IPO7: variants seen among roughly 807,000 people sequenced by gnomAD.
IPO7 encodes importin-7.
Under a neutral mutation model 136.4 loss-of-function variants are expected in IPO7, and 13 were observed. That is an observed-to-expected ratio of 0.10 (90% CI 0.06 to 0.15). IPO7 has a LOEUF of 0.15. IPO7 is among the 10% of genes least tolerant of loss of function. The pLI, the probability that IPO7 is intolerant of heterozygous loss-of-function variation, is 1.00. For missense variants in IPO7, 857 were observed against 1,240.6 expected, an observed-to-expected ratio of 0.69 and a Z score of 4.65; for synonymous variants, 403 against 404.4, an observed-to-expected ratio of 1.00 and a Z score of 0.04.
rs1035003048 is a variant in IPO7 at position 9,425,057 on chromosome 11, T to G, written c.1218+67T>G. The G allele has an allele frequency of 4.6e-6, 6 of 1,316,218 alleles. No individual in the cohort carries two copies. The African/African-American group carries it at 7.4e-5, about 16-fold the overall frequency. The allele number at this position is 1,316,218 out of a possible 1,614,324, so 81.5% of individuals were successfully genotyped here. On this transcript the variant is annotated intron_variant, in intron 11 of 24. Transcript: ENST00000379719. ...AAAATTTATTCAACTATACACTTTT[T>G]AAATGTTAGTCATGTGAGTCATTTT...
rs1267273953 is a variant in IPO7, at chr11:9,402,175, G to A, written c.85-1115G>A. Among the ~76,000 whole-genome samples the A allele has an allele frequency of 3.9e-5, 6 of 152,172 alleles. No individual in the cohort carries two copies. In the South Asian group the frequency reaches 1.2e-3, roughly 32 times the overall value. On this transcript the variant is annotated intron_variant, in intron 1 of 24. Transcript: ENST00000379719. ...CCAACACTTTGGGAGGCCAAGGCGG[G>A]CAGATCACAAGGTCAGGAGTTCGAG...
At chr11:9,396,100 A>G (rs1345351624) in intron 1 of IPO7, among the ~76,000 whole-genome samples, 2 of 151,708 alleles carry the variant, frequency 1.3e-5, no homozygotes, top group Admixed American at 1.3e-4. Context: ...AGGTTAATAA[A>G]GTGTTGAGTG....
intron 15 of IPO7, 142 bp from the exon 16 acceptor site, chr11:9,430,733 C>A: frequency 1.5e-6 from 1 of 675,004 alleles, no homozygotes. Context: ...AGAGCTTAAG[C>A]TCTTTATTAT....
intron 24 of IPO7, among the ~76,000 whole-genome samples, chr11:9,444,509 C>T (rs568761445): frequency 5.9e-5 from 9 of 151,718 alleles, no homozygotes; most frequent in Non-Finnish European, 7.4e-5. Context: ...ATTGCAGGCA[C>T]GCACCACCAC....
At chr11:9,396,106 G>T (rs545526004) in intron 1 of IPO7, among the ~76,000 whole-genome samples, 2 of 151,860 alleles carry the variant, frequency 1.3e-5, no homozygotes, top group Non-Finnish European at 2.9e-5. Context: ...ATAAAGTGTT[G>T]AGTGTTGGGC....
intron 1 of IPO7, among the ~76,000 whole-genome samples, chr11:9,397,341 AAT>A (rs1398990687): frequency 0.077 from 825 of 10,778 alleles, 130 homozygotes; most frequent in African/African-American, 0.2. Context: ...TTTAAAAAAA[AAT>A]ATATATATAT....
At chr11:9,425,300 A>C in intron 12 of IPO7, 38 bp downstream of exon 12, 2 of 1,194,918 alleles carry the variant, frequency 1.7e-6, no homozygotes, top group Non-Finnish European at 2.5e-6. Flanking sequence ...TGACTATGCA[A>C]GTAGTTTTAA....
chr11:9,427,011 G>A (rs935614623), intron 12 of IPO7, among the ~76,000 whole-genome samples: 3 of 151,836 alleles, frequency 2.0e-5, no homozygotes, highest in Admixed American at 1.3e-4. Flanking sequence ...CCTGCCCCCA[G>A]CCTAATTTTT....
At chr11:9,424,711 C>T (rs1327863306) in intron 10 of IPO7, among the ~76,000 whole-genome samples, 6 of 152,202 alleles carry the variant, frequency 3.9e-5, no homozygotes, top group Non-Finnish European at 7.3e-5. Flanking sequence ...CACTGCACTC[C>T]AGCCTGAGTG....
chr11:9,421,404 C>G (rs1264674877), intron 8 of IPO7, among the ~76,000 whole-genome samples: 1 of 151,184 alleles, frequency 6.6e-6, no homozygotes, highest in Non-Finnish European at 1.5e-5. Flanking sequence ...CCAGGGCGGG[C>G]AGATCACGAG....
chr11:9,441,998 T>C, intron 23 of IPO7, 83 bp from the exon 24 acceptor site: 1 of 606,142 alleles, frequency 1.6e-6, no homozygotes, highest in Non-Finnish European at 3.0e-6. Flanking sequence ...TGCCTCGGGA[T>C]GGAGTAGGAG....
At chr11:9,395,317 C>T (rs1334725763) in intron 1 of IPO7, among the ~76,000 whole-genome samples, 2 of 152,084 alleles carry the variant, frequency 1.3e-5, no homozygotes, top group African/African-American at 2.4e-5. Context: ...GATCTCGGCT[C>T]ACTGCAGCCT....
intron 15 of IPO7, chr11:9,430,419 T>C (rs546544745): frequency 1.2e-4 from 18 of 155,974 alleles, no homozygotes; most frequent in African/African-American, 4.3e-4. Flanking sequence ...TGTTCTTAAC[T>C]ACTACCTCGG....
At chr11:9,421,751 T>C (rs1297006737) in intron 8 of IPO7, among the ~76,000 whole-genome samples, 2 of 149,862 alleles carry the variant, frequency 1.3e-5, no homozygotes, top group Admixed American at 1.3e-4. Flanking sequence ...AAGACCATCC[T>C]GGCTAACACA....
At chr11:9,410,760 T>C (rs1854957518) in intron 4 of IPO7, among the ~76,000 whole-genome samples, 1 of 152,192 alleles carries the variant, frequency 6.6e-6, no homozygotes, top group Non-Finnish European at 1.5e-5. Context: ...GAAGGAGTTT[T>C]TTAAGTCTAT....
At chr11:9,419,414 G>A (rs1000152621) in intron 6 of IPO7, among the ~76,000 whole-genome samples, 2 of 151,532 alleles carry the variant, frequency 1.3e-5, no homozygotes, top group Non-Finnish European at 2.9e-5. Context: ...TGGGCGTGGT[G>A]GTGCAAGCCT....
chr11:9,431,075 G>T, intron 16 of IPO7, 72 bp downstream of exon 16: 1 of 1,198,784 alleles, frequency 8.3e-7, no homozygotes, highest in Non-Finnish European at 1.2e-6. Flanking sequence ...ATATCTCTCT[G>T]GCATCTCATG....
chr11:9,416,008 A>ACC (rs1210790634), intron 5 of IPO7, among the ~76,000 whole-genome samples: 5 of 152,170 alleles, frequency 3.3e-5, no homozygotes, highest in African/African-American at 1.2e-4. Context: ...TTCAAGTCAT[A>ACC]CCATTACATT....
At chr11:9,403,686 C>T (rs1854833071) in intron 2 of IPO7, 1 of 263,816 alleles carries the variant, frequency 3.8e-6, no homozygotes, top group Non-Finnish European at 7.1e-6. Context: ...TTTATATAGT[C>T]ATCTCTTACC....
Sources: allele counts gnomAD v4.1 joint callset (sites outside exome capture counted in the v4.1 genomes callset), GRCh38; gene constraint gnomAD v4.1.1; transcripts MANE v1.5; gene names NCBI Gene and HGNC (gene_info 2026-07-23, HGNC 2026-07-21).